The following TADA1 variants were observed in gnomAD, a reference collection of about 807,000 sequenced individuals.
TADA1 encodes the protein transcriptional adapter 1.
Under a neutral mutation model 39.3 loss-of-function variants are expected in TADA1, and 23 were observed. The observed-to-expected ratio is 0.58, with a 90% CI of 0.42 to 0.83. TADA1 has a LOEUF of 0.83. TADA1 is among the 40% of genes least tolerant of loss of function. The pLI is 0.00. For synonymous variants in TADA1, 137 were observed against 151.8 expected (o/e 0.90, Z 0.72); for missense variants, 352 against 408.1 (o/e 0.86, Z 1.18).
intron 3 of TADA1, among the ~76,000 whole-genome samples, chr1:166,867,556 A>C (rs575644704): frequency 3.9e-5 from 6 of 152,136 alleles, no homozygotes; most frequent in African/African-American, 1.4e-4. Context: ...TGAGGGTCAA[A>C]GAACGAGGTG....
intron 1 of TADA1, among the ~76,000 whole-genome samples, chr1:166,873,169 G>T (rs906015974): frequency 2.0e-5 from 3 of 151,952 alleles, no homozygotes; most frequent in Non-Finnish European, 4.4e-5. Flanking sequence ...TACTCAGGAG[G>T]CTGATGCAGG....
rs770516587 is a variant in TADA1, at chr1:166,857,728, A to C, written c.856-9T>G. On this transcript the variant is annotated splice_polypyrimidine_tract_variant and intron_variant, in intron 7 of 7. Coordinates refer to ENST00000367874, the MANE Select transcript of TADA1 (RefSeq NM_053053.4). ...ATGACTTCCCTGTGCACCTGGGATT[A>C]AAAAATTAACGCATGTCCAATTATA... 6.2e-7 allele frequency: 1 copy of C among 1,608,232 alleles called. No homozygotes were observed. The highest frequency in any genetic ancestry group is 8.5e-7 in the Non-Finnish European group (1 of 1,176,838).
At chr1:166,860,534 G>T (rs1319555868) in intron 5 of TADA1, among the ~76,000 whole-genome samples, 197 bp from the exon 6 acceptor site, 1 of 152,152 alleles carries the variant, frequency 6.6e-6, no homozygotes, top group African/African-American at 2.4e-5. Context: ...GAAAGAGGGG[G>T]ACATGCTTAT....
Position 166,869,800 on chromosome 1 carries a change from A to T in TADA1, c.129T>A (p.Phe43Leu). ...TGAGAAGTCTATGAGCTTCAAGGTCAAACTCCTCTTTGCTGATCTTCTGCT... is the reference window on the plus strand; with the variant it reads ...TGAGAAGTCTATGAGCTTCAAGGTCTAACTCCTCTTTGCTGATCTTCTGCT... ...WFKQKISKEE[F>L]DLEAHRLLTQ... Residue 43 changes from phenylalanine to leucine, a missense_variant, in exon 2 of 8, where the codon TTT becomes TTA. Transcript: ENST00000367874. The T allele has an allele frequency of 6.2e-7, 1 of 1,614,072 alleles. No individual in the cohort carries two copies. Among genetic ancestry groups the T allele is most frequent in the African/African-American group, 1.3e-5 (1 of 75,022 alleles).
chr1:166,861,929 G>T (rs534226483), intron 5 of TADA1, among the ~76,000 whole-genome samples: 2 of 151,800 alleles, frequency 1.3e-5, no homozygotes. Flanking sequence ...GTATGGTGGC[G>T]CACGTCTATA....
At position 166,876,092 on chromosome 1, in the gene TADA1, G is replaced by A. The variant is rs1317039916; in HGVS notation, c.74+68C>T. 6.1e-6 allele frequency: 9 copies of A among 1,470,182 alleles called. No homozygotes were observed. The East Asian group carries it at 1.6e-4, about 25-fold the overall frequency. 91.1% of individuals were successfully genotyped at this position (1,470,182 alleles called of 1,614,324 possible). A position where few individuals can be genotyped will look rare whatever the true frequency, so the allele number is the denominator to read the frequency against. On this transcript the variant is annotated intron_variant, in intron 1 of 7. Transcript: ENST00000367874. The stretch of plus-strand genomic sequence containing the variant: ...GGGCGACGCGGGCGTCTCCGGGGCG[G>A]GCTGGCAGCCCGAGGCCAGGAGAGC...
intron 4 of TADA1, 146 bp from the exon 5 acceptor site, chr1:166,862,558 G>A: frequency 1.6e-6 from 1 of 636,074 alleles, no homozygotes; most frequent in East Asian, 2.7e-5. Flanking sequence ...GTTAATTCAT[G>A]CACAAATAAT....
rs1444480881 is a variant in TADA1 at position 166,860,169 on chromosome 1, C to T, written c.692+17G>A. 6.3e-7 allele frequency: 1 copy of T among 1,580,972 alleles called. No homozygotes were observed. The highest frequency in any genetic ancestry group is 8.6e-7 in the Non-Finnish European group (1 of 1,165,404). On this transcript the variant is annotated intron_variant, in intron 6 of 7. Transcript: ENST00000367874. The stretch of plus-strand genomic sequence containing the variant: ...CTAGCAAAAGATGGAAAGAAAATCA[C>T]AAGAAACTTCATTTACCTTTCTATT...
intron 5 of TADA1, 92 bp downstream of exon 5, chr1:166,862,111 T>A: frequency 8.2e-7 from 1 of 1,219,016 alleles, no homozygotes; most frequent in Non-Finnish European, 1.2e-6. Context: ...CAGAGTGACA[T>A]TTGGATTCTT....
intron 3 of TADA1, among the ~76,000 whole-genome samples, chr1:166,865,551 A>C (rs900346678): frequency 1.3e-5 from 2 of 152,098 alleles, no homozygotes; most frequent in Non-Finnish European, 1.5e-5. Context: ...CGGTGGCTCA[A>C]GCCTGTAATC....
intron 2 of TADA1, 107 bp from the exon 3 acceptor site, chr1:166,869,617 T>C: frequency 2.9e-6 from 4 of 1,366,068 alleles, no homozygotes; most frequent in Admixed American, 1.9e-5. Context: ...TATTCTGCCA[T>C]GCTTTATACT....
In TADA1 at chr1:166,856,810, A is replaced by G. The variant is rs1658288832; in HGVS notation, c.*757T>C. On this transcript the variant is annotated 3_prime_UTR_variant, in exon 8 of 8. Coordinates refer to ENST00000367874, the MANE Select transcript of TADA1 (RefSeq NM_053053.4). ...CCAAGCATATATCCAATTTGTATAG[A>G]TTTCTTAAAATACATTCTATAGGAA... 1 of 152,674 alleles carries G rather than the reference A, an allele frequency of 6.5e-6. No individual in the cohort carries two copies. The highest frequency in any genetic ancestry group is 6.5e-5 in the Admixed American group (1 of 15,286). 9.5% of individuals were successfully genotyped at this position (152,674 alleles called of 1,614,324 possible). A position where few individuals can be genotyped will look rare whatever the true frequency, so the allele number is the denominator to read the frequency against.
At chr1:166,871,763 A>C (rs1357179492) in intron 1 of TADA1, among the ~76,000 whole-genome samples, 1 of 152,164 alleles carries the variant, frequency 6.6e-6, no homozygotes, top group Non-Finnish European at 1.5e-5. Flanking sequence ...CAGGAATAAT[A>C]ATGAAAGAAA....
intron 4 of TADA1, 166 bp downstream of exon 4, chr1:166,863,658 C>G (rs1447852464): frequency 3.2e-6 from 2 of 630,578 alleles, no homozygotes; most frequent in Non-Finnish European, 5.5e-6. Flanking sequence ...TATAAAAATT[C>G]AGACACCTAG....
intron 6 of TADA1, among the ~76,000 whole-genome samples, chr1:166,859,438 A>C (rs1658360049): frequency 6.6e-6 from 1 of 152,230 alleles, no homozygotes; most frequent in Admixed American, 6.5e-5. Flanking sequence ...AGTAACCATA[A>C]AGAAAATTAC....
At chr1:166,871,361 A>G (rs753119880) in intron 1 of TADA1, among the ~76,000 whole-genome samples, 102 of 152,180 alleles carry the variant, frequency 6.7e-4, no homozygotes, top group Non-Finnish European at 6.3e-4. Flanking sequence ...ACAGGAAAAA[A>G]AAATCAGATT....
chr1:166,857,788 G>T (rs926036674), intron 7 of TADA1, 69 bp from the exon 8 acceptor site: 3 of 1,507,226 alleles, frequency 2.0e-6, no homozygotes, highest in South Asian at 2.5e-5. Flanking sequence ...ATATAAAAGG[G>T]TTTATATCAA....
rs1179995728 is a variant in TADA1 at position 166,860,258 on chromosome 1, G to C, written c.620C>G (p.Ala207Gly). Residue 207 changes from alanine to glycine, a missense_variant, in exon 6 of 8, where the codon GCC becomes GGC. By Grantham distance (60) the Ala-to-Gly change is moderately conservative. This residue lies in a region of TADA1 where 285 missense variants were observed against 310.9 expected (regional missense o/e 0.92). Coordinates refer to ENST00000367874, the MANE Select transcript of TADA1 (RefSeq NM_053053.4). ...CTGCGGGGTCACGTTACTGCCAAAGGCATATTTAAAATGACCATCTCGTAA... is the reference window on the plus strand; with the variant it reads ...CTGCGGGGTCACGTTACTGCCAAAGCCATATTTAAAATGACCATCTCGTAA... ...YRLRDGHFKY[A>G]FGSNVTPQPY... is the part of the protein sequence containing the mutation. 3 of 1,613,894 alleles carry C rather than the reference G, an allele frequency of 1.9e-6. No homozygotes were observed. Among genetic ancestry groups the C allele is most frequent in the South Asian group, 2.2e-5 (2 of 91,064 alleles).
At chr1:166,862,519 CTA>C in intron 4 of TADA1, 107 bp from the exon 5 acceptor site, 1 of 844,630 alleles carries the variant, frequency 1.2e-6, no homozygotes, top group Non-Finnish European at 1.9e-6. Context: ...GCCACCAAAA[CTA>C]TACCACAGGG....
Sources: allele counts gnomAD v4.1 joint callset (sites outside exome capture counted in the v4.1 genomes callset), GRCh38; gene constraint gnomAD v4.1.1; regional missense constraint gnomAD v4.1.1; transcripts MANE v1.5; gene names NCBI Gene and HGNC (gene_info 2026-07-23, HGNC 2026-07-21).